RNF180: variants seen among roughly 807,000 people sequenced by gnomAD.
The protein encoded by RNF180 is ring finger protein 180, also known as E3 ubiquitin-protein ligase RNF180.
Under a neutral mutation model 59.2 loss-of-function variants are expected in RNF180, and 38 were observed. The ratio of observed to expected loss-of-function variants is 0.64; its 90% CI spans 0.50 to 0.84. The LOEUF (loss-of-function observed/expected upper bound fraction) is 0.84, where lower values mean the gene tolerates loss of function less well. Ranked by LOEUF, RNF180 falls within the 40% of genes least tolerant of loss-of-function variation. The probability of loss-of-function intolerance (pLI) is 0.00; values close to 1 mark genes in which losing one functional copy is unlikely to be tolerated. For synonymous variants in RNF180, 262 were observed against 240.3 expected (o/e 1.09, Z -0.84); for missense variants, 705 against 700.9 (o/e 1.01, Z -0.07).
At chr5:64,217,806 A>G (rs930580368) in intron 5 of RNF180, 2 of 152,656 alleles carry the variant, frequency 1.3e-5, no homozygotes, top group African/African-American at 4.8e-5. Flanking sequence ...AATTAAAAAA[A>G]AATTAGCTGA....
At chr5:64,348,520 C>G (rs957764205) in intron 7 of RNF180, among the ~76,000 whole-genome samples, 4 of 152,068 alleles carry the variant, frequency 2.6e-5, no homozygotes, top group Non-Finnish European at 5.9e-5. Context: ...TCTGATAATA[C>G]AACTTCCTTT....
At chr5:64,245,585 C>T (rs1339564552) in intron 5 of RNF180, among the ~76,000 whole-genome samples, 5 of 152,164 alleles carry the variant, frequency 3.3e-5, no homozygotes, top group African/African-American at 1.2e-4. Context: ...AATATATATG[C>T]ACCCAATATG....
At chr5:64,225,613 G>GTGA (rs1741669942) in intron 5 of RNF180, among the ~76,000 whole-genome samples, 1 of 144,964 alleles carries the variant, frequency 6.9e-6, no homozygotes, top group Non-Finnish European at 1.5e-5. Context: ...TGTCTGGGAG[G>GTGA]TGAGGAGCGT....
At position 64,366,536 on chromosome 5, in the gene RNF180, T is replaced by C. The variant is rs1441567644; in HGVS notation, c.1580-3079T>C. Among the ~76,000 whole-genome samples, 5 of 151,602 alleles carry C rather than the reference T, an allele frequency of 3.3e-5. No individual in the cohort carries two copies. In the South Asian group the frequency reaches 8.3e-4, roughly 25 times the overall value. On this transcript the variant is annotated intron_variant, in intron 7 of 7. Coordinates refer to ENST00000389100, the MANE Select transcript of RNF180 (RefSeq NM_001113561.2). ...TTCTCGTGGATGATCTCCTGTAATA[T>C]GTTTTCCAAGTTGCTTCTCTCCCCA...
intron 7 of RNF180, among the ~76,000 whole-genome samples, chr5:64,368,630 C>G (rs190730649): frequency 6.6e-6 from 1 of 151,914 alleles, no homozygotes; most frequent in Non-Finnish European, 1.5e-5. Context: ...AACAAACAAC[C>G]CCATCAAAAA....
At chr5:64,223,347 T>C (rs1260465893) in intron 5 of RNF180, among the ~76,000 whole-genome samples, 1 of 152,178 alleles carries the variant, frequency 6.6e-6, no homozygotes, top group Non-Finnish European at 1.5e-5. Flanking sequence ...AACTTAATCA[T>C]AGCTGCAAAG....
rs910017524 is a variant in RNF180, at chr5:64,186,090, G to A, written c.1-14718G>A. 5.9e-5 allele frequency among the ~76,000 whole-genome samples: 9 copies of A among 152,162 alleles called. No homozygotes were observed. The East Asian group carries it at 9.7e-4, about 16-fold the overall frequency. On this transcript the variant is annotated intron_variant, in intron 1 of 7. Coordinates refer to ENST00000389100, the MANE Select transcript of RNF180 (RefSeq NM_001113561.2). ...CATTATCTGGCAATTTTTTGGAGCCGTATCTTTTGAGGTAACCTAGTATAG... is the reference window on the plus strand; with the variant it reads ...CATTATCTGGCAATTTTTTGGAGCCATATCTTTTGAGGTAACCTAGTATAG...
At position 64,253,612 on chromosome 5, in the gene RNF180, T is replaced by C. The variant is rs1743728843; in HGVS notation, c.1227+36216T>C. Among the ~76,000 whole-genome samples the C allele has an allele frequency of 2.0e-5, 3 of 152,136 alleles. 1 individual carries two copies. The South Asian group carries it at 6.2e-4, about 31-fold the overall frequency. Reference sequence around the variant, plus strand: ...TCCTCGTTTTTTGTGCTTCATTCCATTAAACTGTTAAAGACAATAGAGTCT... The same window carrying C: ...TCCTCGTTTTTTGTGCTTCATTCCACTAAACTGTTAAAGACAATAGAGTCT... On this transcript the variant is annotated intron_variant, in intron 5 of 7. Coordinates refer to ENST00000389100, the MANE Select transcript of RNF180 (RefSeq NM_001113561.2).
At chr5:64,225,735 C>G (rs1002647004) in intron 5 of RNF180, among the ~76,000 whole-genome samples, 2 of 136,368 alleles carry the variant, frequency 1.5e-5, no homozygotes, top group Non-Finnish European at 3.1e-5. Context: ...TGAGGAGCGC[C>G]TCTGCCTGGC....
chr5:64,357,572 A>T (rs919019933), intron 7 of RNF180, among the ~76,000 whole-genome samples: 1 of 151,838 alleles, frequency 6.6e-6, no homozygotes, highest in Admixed American at 6.6e-5. Context: ...TCTCAAAAAT[A>T]TGCTAATTAT....
chr5:64,253,998 T>C (rs1743764794), intron 5 of RNF180, among the ~76,000 whole-genome samples: 1 of 152,118 alleles, frequency 6.6e-6, no homozygotes, highest in African/African-American at 2.4e-5. Flanking sequence ...GGGTGGACCC[T>C]CTCTTCTCTA....
At chr5:64,300,285 A>G (rs1397758090) in intron 5 of RNF180, among the ~76,000 whole-genome samples, 3 of 151,830 alleles carry the variant, frequency 2.0e-5, no homozygotes, top group African/African-American at 7.2e-5. Context: ...TTGCTGTCAC[A>G]CCTCAAATTG....
chr5:64,336,566 C>G (rs1745135333), intron 7 of RNF180, among the ~76,000 whole-genome samples: 2 of 152,164 alleles, frequency 1.3e-5, no homozygotes, highest in African/African-American at 2.4e-5. Flanking sequence ...AATGACTAGC[C>G]TAGACACCTA....
intron 7 of RNF180, among the ~76,000 whole-genome samples, chr5:64,345,131 A>T (rs780566443): frequency 5.3e-5 from 8 of 152,140 alleles, no homozygotes; most frequent in Non-Finnish European, 1.2e-4. Flanking sequence ...AGCCCACCTC[A>T]TCATAGAGAA....
chr5:64,286,896 G>A (rs1476136762), intron 5 of RNF180, among the ~76,000 whole-genome samples: 1 of 152,136 alleles, frequency 6.6e-6, no homozygotes, highest in Non-Finnish European at 1.5e-5. Flanking sequence ...AATATAAAGG[G>A]CAAACTGGAA....
chr5:64,298,660 TTTAA>T (rs1743015236), intron 5 of RNF180, among the ~76,000 whole-genome samples: 1 of 152,024 alleles, frequency 6.6e-6, no homozygotes, highest in Non-Finnish European at 1.5e-5. Context: ...AAATTTAAAT[TTTAA>T]TTGAGTTTAT....
intron 5 of RNF180, among the ~76,000 whole-genome samples, chr5:64,270,048 C>CACACACAA (rs1554038283): frequency 1.3e-5 from 2 of 149,506 alleles, no homozygotes; most frequent in Non-Finnish European, 3.0e-5. Flanking sequence ...CACACACACA[C>CACACACAA]AAAAGCCTTT....
intron 5 of RNF180, among the ~76,000 whole-genome samples, chr5:64,293,292 G>GT (rs1181572572): frequency 6.6e-6 from 1 of 152,020 alleles, no homozygotes; most frequent in Non-Finnish European, 1.5e-5. Context: ...TTCTTCATGG[G>GT]TTGAGTTGTC....
chr5:64,207,340 A>C (rs1752066760), intron 2 of RNF180, among the ~76,000 whole-genome samples: 1 of 152,068 alleles, frequency 6.6e-6, no homozygotes, highest in African/African-American at 2.4e-5. Flanking sequence ...GTGTAGAGAT[A>C]TGATGGATAA....
Sources: allele counts gnomAD v4.1 joint callset (sites outside exome capture counted in the v4.1 genomes callset), GRCh38; gene constraint gnomAD v4.1.1; transcripts MANE v1.5; gene names NCBI Gene and HGNC (gene_info 2026-07-23, HGNC 2026-07-21).